The following MAEL variants were observed in gnomAD, a reference collection of about 807,000 sequenced individuals.
The protein encoded by MAEL is maelstrom spermatogenic transposon silencer.
In MAEL, 46 loss-of-function variants were observed where a neutral mutation model predicts 62.0. The observed-to-expected ratio is 0.74, with a 90% CI of 0.59 to 0.95. MAEL has a LOEUF of 0.95. MAEL is among the 40% of genes least tolerant of loss of function. MAEL has a pLI of 0.00. For synonymous variants in MAEL, 172 were observed against 175.5 expected (o/e 0.98, Z 0.16); for missense variants, 497 against 526.8 (o/e 0.94, Z 0.55).
chr1:166,988,348 TAA>T (rs71073633), upstream of MAEL, among the ~76,000 whole-genome samples: 1,053 of 93,034 alleles, frequency 0.011, 10 homozygotes, highest in East Asian at 0.033. Flanking sequence ...AGACCCTGTC[TAA>T]AAAAAAAAAA....
At chr1:166,989,251 G>A, upstream of MAEL, 1 of 1,437,412 alleles carries the variant, frequency 7.0e-7, no homozygotes, top group Non-Finnish European at 9.3e-7. Context: ...GAGAGTTGCG[G>A]GCTGCGTGCG....
intron 1 of MAEL, among the ~76,000 whole-genome samples, chr1:166,983,732 T>C (rs1269003198): frequency 6.6e-6 from 1 of 151,780 alleles, no homozygotes; most frequent in Non-Finnish European, 1.5e-5. Context: ...AGAGGAGCAG[T>C]GGCTCACACC....
chr1:166,989,272 C>A, upstream of MAEL: 1 of 1,523,584 alleles, frequency 6.6e-7, no homozygotes, highest in Non-Finnish European at 8.8e-7. Context: ...CAGGCGCCTA[C>A]CTCTGTTACT....
chr1:167,001,010 T>C (rs1240174762), intron 5 of MAEL, among the ~76,000 whole-genome samples: 2 of 152,166 alleles, frequency 1.3e-5, no homozygotes, highest in Non-Finnish European at 1.5e-5. Flanking sequence ...CAAATGCCCA[T>C]CAATCAACAA....
intron 8 of MAEL, chr1:167,012,426 A>G (rs758012930): frequency 3.3e-5 from 5 of 152,204 alleles, no homozygotes; most frequent in Non-Finnish European, 5.9e-5. Context: ...TTCACTGTCT[A>G]TGATCAGCTG....
intron 8 of MAEL, among the ~76,000 whole-genome samples, chr1:167,011,346 G>A (rs1952313): frequency 0.19 from 29,130 of 151,286 alleles, 3,558 homozygotes; most frequent in Admixed American, 0.33. Context: ...TTTTCCCCAC[G>A]TTTGTTGTTG....
intron 1 of MAEL, among the ~76,000 whole-genome samples, chr1:166,977,593 C>T (rs557472600): frequency 6.6e-6 from 1 of 152,332 alleles, no homozygotes; most frequent in South Asian, 2.1e-4. Context: ...CCATTTACTG[C>T]ATCTATGTGT....
chr1:167,014,796 G>T (rs1237846073), intron 8 of MAEL, among the ~76,000 whole-genome samples: 1 of 152,142 alleles, frequency 6.6e-6, no homozygotes, highest in Non-Finnish European at 1.5e-5. Flanking sequence ...GCCAACGTGG[G>T]TGGATCACCT....
upstream of MAEL, chr1:166,989,045 G>A: frequency 2.7e-6 from 1 of 363,692 alleles, no homozygotes; most frequent in Non-Finnish European, 5.2e-6. Context: ...ACGCAATAAT[G>A]TACAGAAATT....
At chr1:166,987,296 T>C (rs1026312126), upstream of MAEL, among the ~76,000 whole-genome samples, 3 of 152,244 alleles carry the variant, frequency 2.0e-5, no homozygotes, top group African/African-American at 4.8e-5. Context: ...TGTATACTTT[T>C]ATGTATGCCT....
chr1:166,992,094 G>C (rs958442778), intron 3 of MAEL, among the ~76,000 whole-genome samples: 22 of 152,214 alleles, frequency 1.4e-4, no homozygotes, highest in African/African-American at 5.3e-4. Flanking sequence ...TAGTTAATAA[G>C]GGTTGTTGCT....
In MAEL at chr1:167,018,006, C is replaced by T. The variant is rs776282941; in HGVS notation, c.1041+47C>T. 3 of 1,576,716 alleles carry T rather than the reference C, an allele frequency of 1.9e-6. No individual in the cohort carries two copies. In the Admixed American group the frequency reaches 5.3e-5, roughly 28 times the overall value. The stretch of plus-strand genomic sequence containing the variant: ...GCTGCTGGTCTCTTTAGCTGTTCTA[C>T]TCAATGTGATTCTGGCCAACAGAAA... On this transcript the variant is annotated intron_variant, in intron 10 of 11. Coordinates refer to ENST00000367872, the MANE Select transcript of MAEL (RefSeq NM_032858.3).
At chr1:167,006,465 GTGAC>G (rs1174787464) in intron 8 of MAEL, among the ~76,000 whole-genome samples, 3 of 151,726 alleles carry the variant, frequency 2.0e-5, no homozygotes, top group Admixed American at 1.3e-4. Context: ...AAGGGATTAT[GTGAC>G]TGACTGCTCA....
chr1:166,984,405 T>G (rs767262782), upstream of MAEL, among the ~76,000 whole-genome samples: 1 of 152,094 alleles, frequency 6.6e-6, no homozygotes, highest in Non-Finnish European at 1.5e-5. Context: ...ATAGAGTAGA[T>G]CTCAAGTGTT....
chr1:167,005,551 A>C (rs1664857525), intron 8 of MAEL, 154 bp downstream of exon 8: 1 of 638,950 alleles, frequency 1.6e-6, no homozygotes, highest in South Asian at 2.6e-5. Context: ...TGATAGTAAG[A>C]TATATTGTTA....
upstream of MAEL, among the ~76,000 whole-genome samples, chr1:166,987,264 G>A (rs1017079694): frequency 1.3e-5 from 2 of 152,012 alleles, no homozygotes; most frequent in Non-Finnish European, 2.9e-5. Flanking sequence ...CTCAAGTTCT[G>A]TATACATTGA....
intron 5 of MAEL, among the ~76,000 whole-genome samples, chr1:166,994,731 G>C (rs140882018): frequency 6.8e-6 from 1 of 147,802 alleles, no homozygotes; most frequent in African/African-American, 2.5e-5. Flanking sequence ...GTGGAGGGGC[G>C]TGATCTTGGC....
intron 2 of MAEL, 132 bp from the exon 3 acceptor site, chr1:166,991,246 T>TA: frequency 1.5e-6 from 1 of 649,536 alleles, no homozygotes; most frequent in Non-Finnish European, 2.8e-6. Flanking sequence ...TATTGACAGA[T>TA]ATATTTATTC....
chr1:166,989,565 A>G, intron 1 of MAEL, 81 bp downstream of exon 1: 2 of 1,534,488 alleles, frequency 1.3e-6, no homozygotes, highest in Non-Finnish European at 1.8e-6. Flanking sequence ...GAAGGCCTCG[A>G]GGAGGTCAGG....
Sources: gnomAD v4.1 joint callset for allele counts (sites outside exome capture counted in the v4.1 genomes callset) on GRCh38, gnomAD v4.1.1 for gene constraint, MANE v1.5 for transcripts, NCBI Gene and HGNC (gene_info 2026-07-23, HGNC 2026-07-21) for gene names.